Variants in CPM observed in about 807,000 individuals in gnomAD.
The protein encoded by CPM is carboxypeptidase M.
In CPM, 35 loss-of-function variants were observed where a neutral mutation model predicts 46.4. The ratio of observed to expected loss-of-function variants is 0.75; its 90% CI spans 0.58 to 1.00. CPM has a LOEUF of 1.00. CPM is among the 50% of genes least tolerant of loss of function. The pLI, the probability that CPM is intolerant of heterozygous loss-of-function variation, is 0.00. For missense variants in CPM, 422 were observed against 530.4 expected (o/e 0.80, Z 2.01); for synonymous variants, 195 against 195.3 (o/e 1.00, Z 0.01).
intron 2 of CPM, among the ~76,000 whole-genome samples, chr12:68,891,433 C>T (rs529046934): frequency 2.0e-5 from 3 of 152,282 alleles, no homozygotes; most frequent in East Asian, 1.9e-4. Flanking sequence ...AAGGCATGGG[C>T]GAAGTTTCCA....
At chr12:68,948,529 G>A (rs796786122) in intron 1 of CPM, among the ~76,000 whole-genome samples, 2 of 152,222 alleles carry the variant, frequency 1.3e-5, no homozygotes, top group African/African-American at 4.8e-5. Context: ...GGGGTTTTGG[G>A]GGGAGGGTAG....
At chr12:68,961,943 G>C (rs1461806101) in intron 1 of CPM, among the ~76,000 whole-genome samples, 1 of 152,162 alleles carries the variant, frequency 6.6e-6, no homozygotes, top group Non-Finnish European at 1.5e-5. Context: ...GCTCATGTCT[G>C]TAATCCCAGC....
At chr12:68,916,783 G>A (rs971034947) in intron 2 of CPM, among the ~76,000 whole-genome samples, 3 of 151,826 alleles carry the variant, frequency 2.0e-5, no homozygotes, top group Admixed American at 1.3e-4. Context: ...CAGCTACTCG[G>A]GGGCTGAGGC....
chr12:68,858,136 G>A (rs1885054713), intron 8 of CPM, among the ~76,000 whole-genome samples: 1 of 152,150 alleles, frequency 6.6e-6, no homozygotes, highest in South Asian at 2.1e-4. Context: ...TACCAACTCA[G>A]TTTTCACTAC....
chr12:68,937,687 A>C (rs1183582850), upstream of CPM, among the ~76,000 whole-genome samples: 2 of 152,224 alleles, frequency 1.3e-5, no homozygotes, highest in Admixed American at 1.3e-4. Context: ...AACAAAAAAA[A>C]ACTATTCCCA....
rs1438563391 is a variant in CPM, at chr12:68,871,758, G to A, written c.431+26C>T. ...AGCCTTTGTGTTGTGTTGTTTTCAA[G>A]TAAAGATAGACCAGCCCCTCTTTAC... On this transcript the variant is annotated intron_variant, in intron 4 of 8. Transcript: ENST00000551568. 4 of 1,613,218 alleles carry A rather than the reference G, an allele frequency of 2.5e-6. No individual in the cohort carries two copies. The Admixed American group carries it at 5.0e-5, about 20-fold the overall frequency.
At chr12:68,894,088 T>C (rs1475431797) in intron 2 of CPM, among the ~76,000 whole-genome samples, 1 of 152,172 alleles carries the variant, frequency 6.6e-6, no homozygotes, top group Non-Finnish European at 1.5e-5. Flanking sequence ...CCCCACCCCT[T>C]GGCTGCACCA....
chr12:68,942,051 A>G (rs1888774175), intron 1 of CPM, among the ~76,000 whole-genome samples: 2 of 152,222 alleles, frequency 1.3e-5, no homozygotes, highest in East Asian at 3.8e-4. Context: ...TCTCAACTCA[A>G]GCATTCTCTG....
At chr12:68,880,165 T>C (rs1359204359) in intron 3 of CPM, among the ~76,000 whole-genome samples, 1 of 151,858 alleles carries the variant, frequency 6.6e-6, no homozygotes, top group East Asian at 1.9e-4. Flanking sequence ...CTTGCGTAAA[T>C]TAAACCTAGA....
intron 2 of CPM, among the ~76,000 whole-genome samples, chr12:68,895,404 T>TTCAATAATG (rs1435575406): frequency 1.3e-5 from 2 of 152,108 alleles, no homozygotes; most frequent in Non-Finnish European, 2.9e-5. Context: ...GGAGGGAAGG[T>TTCAATAATG]GACAGGGAGC....
chr12:68,869,890 A>G (rs78746308), intron 5 of CPM, among the ~76,000 whole-genome samples: 5 of 109,332 alleles, frequency 4.6e-5, no homozygotes, highest in South Asian at 3.0e-4. Context: ...CAAAAAAAAA[A>G]GTGAGTTGTT....
chr12:68,943,971 G>A (rs939580060), intron 1 of CPM, among the ~76,000 whole-genome samples: 2 of 151,948 alleles, frequency 1.3e-5, no homozygotes, highest in African/African-American at 4.8e-5. Flanking sequence ...TGGGAAGAAG[G>A]GAAAAATGTA....
downstream of CPM, chr12:68,847,815 C>CA (rs1356075197): frequency 6.6e-6 from 1 of 152,170 alleles, no homozygotes; most frequent in Non-Finnish European, 1.5e-5. Flanking sequence ...TGTTGATTGG[C>CA]ATTGAAAGCA....
chr12:68,943,148 C>T (rs1408265415), intron 1 of CPM, among the ~76,000 whole-genome samples: 1 of 152,184 alleles, frequency 6.6e-6, no homozygotes, highest in Non-Finnish European at 1.5e-5. Flanking sequence ...GTCTGTGGAA[C>T]CACACCATCT....
At chr12:68,909,484 T>G (rs1152934) in intron 2 of CPM, among the ~76,000 whole-genome samples, 99,238 of 151,980 alleles carry the variant, frequency 0.65, 32,342 homozygotes, top group Admixed American at 0.67. Context: ...CTCTTGTAGG[T>G]TAATCTGTCA....
intron 1 of CPM, among the ~76,000 whole-genome samples, chr12:68,942,455 A>T (rs1166449396): frequency 6.6e-6 from 1 of 152,242 alleles, no homozygotes; most frequent in South Asian, 2.1e-4. Flanking sequence ...CTATAAAATC[A>T]TGCACCGTTA....
intron 2 of CPM, among the ~76,000 whole-genome samples, chr12:68,900,010 T>C (rs781681795): frequency 6.6e-6 from 1 of 152,236 alleles, no homozygotes; most frequent in Non-Finnish European, 1.5e-5. Flanking sequence ...GTGCTTATTT[T>C]ACTATTTTTG....
intron 2 of CPM, among the ~76,000 whole-genome samples, chr12:68,900,447 A>G (rs1887065767): frequency 6.6e-6 from 1 of 152,334 alleles, no homozygotes; most frequent in Admixed American, 6.5e-5. Flanking sequence ...GGAATGCAAA[A>G]TGGCCAATTT....
At position 68,885,859 on chromosome 12, in the gene CPM, C is replaced by T. The variant is rs764078716; in HGVS notation, c.191G>A (p.Arg64Gln). The stretch of plus-strand genomic sequence containing the variant: ...CCCAATTCTGTGTTCCTTTGGAAAC[C>T]GCCCCACAACAAGAACCCACAGGTT... Reference protein sequence around the residue: ...GRNLWVLVVGRFPKEHRIGIP... With the variant: ...GRNLWVLVVGQFPKEHRIGIP... The change falls in exon 3 of 9, where the codon CGG becomes CAG. Residue 64 changes from arginine (R) to glutamine (Q), a missense_variant. Transcript: ENST00000551568. The T allele has an allele frequency of 1.6e-5, 26 of 1,613,894 alleles. No homozygotes were observed. Among genetic ancestry groups the T allele is most frequent in the East Asian group, 4.5e-5 (2 of 44,874 alleles).
Sources: allele counts gnomAD v4.1 joint callset (sites outside exome capture counted in the v4.1 genomes callset), GRCh38; gene constraint gnomAD v4.1.1; transcripts MANE v1.5; gene names NCBI Gene and HGNC (gene_info 2026-07-23, HGNC 2026-07-21).